Variants in FYCO1 observed in about 807,000 individuals in gnomAD.
The protein encoded by FYCO1 is FYVE and coiled-coil domain autophagy adaptor 1, also known as FYVE and coiled-coil domain-containing protein 1.
Under a neutral mutation model 165.1 loss-of-function variants are expected in FYCO1, and 122 were observed. The observed-to-expected ratio is 0.74, with a 90% CI of 0.64 to 0.86. The LOEUF (loss-of-function observed/expected upper bound fraction) is 0.86, where lower values mean the gene tolerates loss of function less well. FYCO1 is among the 40% of genes least tolerant of loss of function. The pLI is 0.00. For synonymous variants in FYCO1, 648 were observed against 742.5 expected (o/e 0.87, Z 2.07); for missense variants, 1,702 against 1,810.3 (o/e 0.94, Z 1.09).
At position 45,965,123 on chromosome 3, in the gene FYCO1, A is replaced by T; in HGVS notation, c.3060T>A (p.Asn1020Lys). 1 of 1,613,020 alleles carries T rather than the reference A, an allele frequency of 6.2e-7. No individual in the cohort carries two copies. Among genetic ancestry groups the T allele is most frequent in the East Asian group, 2.2e-5 (1 of 44,880 alleles). ...TGAGGCTCTTGCACTCTTCACCAGC[A>T]TTCTAGAGAGGACAAGAAAGAAAGA... is the stretch of plus-strand genomic sequence containing the variant. ...EIMDYQSRLK[N>K]AGEECKSLRG... The change falls in exon 9 of 18, where the codon AAT becomes AAA. Residue 1020 changes from asparagine (N) to lysine (K), a missense_variant and splice_region_variant. By Grantham distance (94) the Asn-to-Lys change is moderately conservative. Coordinates refer to ENST00000296137, the MANE Select transcript of FYCO1 (RefSeq NM_024513.4).
At chr3:45,990,343 T>A (rs1209459546) in intron 1 of FYCO1, among the ~76,000 whole-genome samples, 7 of 152,182 alleles carry the variant, frequency 4.6e-5, no homozygotes, top group Admixed American at 3.3e-4. Context: ...TTTAAGGAAC[T>A]CAGGCTCAGC....
intron 13 of FYCO1, 79 bp from the exon 14 acceptor site, chr3:45,955,472 G>A (rs1705257667): frequency 6.6e-7 from 1 of 1,511,984 alleles, no homozygotes; most frequent in Non-Finnish European, 9.2e-7. Context: ...CCTTGGGAAA[G>A]TGAGAGAGTG....
intron 13 of FYCO1, 58 bp downstream of exon 13, chr3:45,958,350 G>C: frequency 6.8e-7 from 1 of 1,473,044 alleles, no homozygotes; most frequent in Non-Finnish European, 9.4e-7. Context: ...CCACAACATC[G>C]GTAGGGGAGG....
intron 2 of FYCO1, among the ~76,000 whole-genome samples, chr3:45,982,400 C>G (rs979419495): frequency 2.0e-5 from 3 of 152,122 alleles, no homozygotes; most frequent in Non-Finnish European, 1.5e-5. Flanking sequence ...AATCAGAGCA[C>G]TTGGCCAAAG....
chr3:45,944,186 G>A (rs1704432648), intron 14 of FYCO1, among the ~76,000 whole-genome samples: 1 of 146,358 alleles, frequency 6.8e-6, no homozygotes, highest in Non-Finnish European at 1.5e-5. Context: ...TTGTGTGTGT[G>A]CGTGTGTGTC....
At position 45,994,953 on chromosome 3, in the gene FYCO1, A is replaced by C. The variant is rs531816576; in HGVS notation, c.-113+769T>G. 5.3e-5 allele frequency among the ~76,000 whole-genome samples: 8 copies of C among 152,260 alleles called. No homozygotes were observed. In the South Asian group the frequency reaches 1.2e-3, roughly 24 times the overall value. ...CAGTGAAGAGTGACAGGGACATCAG[A>C]GAATACATGTGCTTTAACAGGGGGC... On this transcript the variant is annotated intron_variant, in intron 1 of 17. Coordinates refer to ENST00000296137, the MANE Select transcript of FYCO1 (RefSeq NM_024513.4).
intron 2 of FYCO1, among the ~76,000 whole-genome samples, chr3:45,983,828 C>T (rs916081248): frequency 2.0e-5 from 3 of 152,126 alleles, no homozygotes; most frequent in South Asian, 2.1e-4. Context: ...AGAAAGTGCC[C>T]GGTGCACATG....
At chr3:45,928,714 C>T (rs1232435378) in intron 16 of FYCO1, among the ~76,000 whole-genome samples, 1 of 152,174 alleles carries the variant, frequency 6.6e-6, no homozygotes, top group African/African-American at 2.4e-5. Flanking sequence ...CAGGGGTCTC[C>T]TTTCCTCATC....
At chr3:45,973,932 G>A (rs1484613747) in intron 5 of FYCO1, among the ~76,000 whole-genome samples, 1 of 151,910 alleles carries the variant, frequency 6.6e-6, no homozygotes, top group Non-Finnish European at 1.5e-5. Flanking sequence ...ATGGTGGCAT[G>A]TACCTGTAGT....
At chr3:45,955,924 C>T (rs986125086) in intron 13 of FYCO1, among the ~76,000 whole-genome samples, 3 of 152,160 alleles carry the variant, frequency 2.0e-5, no homozygotes, top group African/African-American at 7.2e-5. Flanking sequence ...GCCTTGTGTC[C>T]GACTGTGCAA....
chr3:45,937,303 G>A (rs1165571233), intron 14 of FYCO1, among the ~76,000 whole-genome samples: 9 of 152,232 alleles, frequency 5.9e-5, no homozygotes, highest in Non-Finnish European at 1.2e-4. Context: ...CCCATGCAGT[G>A]TGGCTTCTTT....
chr3:45,967,523 T>C lies in FYCO1; in HGVS notation c.1811A>G (p.Lys604Arg). ...TTCCTCCTGGCTGCCCTCTTGCACC[T>C]TGGTATCGTCTAACTGTGCCTCCTG... ...GLQEAQLDDT[K>R]VQEGSQEEEL... is the part of the protein sequence containing the mutation. Residue 604 changes from lysine (K) to arginine (R), a missense_variant, in exon 8 of 18, where the codon AAG (lysine) becomes AGG (arginine). By Grantham distance (26) the Lys-to-Arg change is conservative. Coordinates refer to ENST00000296137, the MANE Select transcript of FYCO1 (RefSeq NM_024513.4). The C allele has an allele frequency of 6.2e-7, 1 of 1,613,826 alleles. No homozygotes were observed. Among genetic ancestry groups the C allele is most frequent in the Non-Finnish European group, 8.5e-7 (1 of 1,179,970 alleles).
chr3:45,991,082 T>C (rs539491503), intron 1 of FYCO1, among the ~76,000 whole-genome samples: 1 of 152,354 alleles, frequency 6.6e-6, no homozygotes, highest in East Asian at 1.9e-4. Context: ...CCGGCCATCA[T>C]GAGCACATTT....
At chr3:45,978,249 G>A (rs1165240164) in intron 4 of FYCO1, among the ~76,000 whole-genome samples, 1 of 152,234 alleles carries the variant, frequency 6.6e-6, no homozygotes, top group Non-Finnish European at 1.5e-5. Context: ...TAGTTGCTCT[G>A]ATGCAGCGGC....
At chr3:45,974,909 C>A (rs1706657183) in intron 5 of FYCO1, among the ~76,000 whole-genome samples, 1 of 152,214 alleles carries the variant, frequency 6.6e-6, no homozygotes, top group Admixed American at 6.5e-5. Flanking sequence ...AAGGCTGTAA[C>A]CTGTCTGTCC....
chr3:45,962,263 G>A lies in FYCO1; in HGVS notation c.3399C>T (p.Thr1133=). 1.2e-6 allele frequency: 2 copies of A among 1,614,226 alleles called. No homozygotes were observed. The highest frequency in any genetic ancestry group is 1.7e-6 in the Non-Finnish European group (2 of 1,180,040). The change falls in exon 11 of 18, where the codon ACC becomes ACT. Residue 1133 remains threonine, a synonymous_variant. Transcript: ENST00000296137. The surrounding 1 kb of genome is among the most constrained non-coding windows in gnomAD (Gnocchi z 4.4). ...TCAGCCGCTCCTCGAGATACTTCTT[G>A]GTTCTGTTGAGGTCATCCAGGTCAG... ...MLADLDDLNR[T]KKYLEERLIE... is the part of the protein sequence containing the mutation.
chr3:45,945,905 T>A (rs1704563717), intron 14 of FYCO1: 1 of 152,856 alleles, frequency 6.5e-6, no homozygotes, highest in Admixed American at 6.5e-5. Context: ...GGCAGAGCAG[T>A]CTTGCCATCC....
intron 1 of FYCO1, among the ~76,000 whole-genome samples, chr3:45,986,642 G>C (rs1339052923): frequency 1.3e-5 from 2 of 152,266 alleles, no homozygotes; most frequent in Middle Eastern, 3.4e-3. Context: ...CCAGAGAGAA[G>C]AGCTTCAGGG....
At chr3:45,987,767 AGATCCTGAGTAACT>A (rs1707376826) in intron 1 of FYCO1, among the ~76,000 whole-genome samples, 2 of 152,230 alleles carry the variant, frequency 1.3e-5, no homozygotes, top group African/African-American at 4.8e-5. Flanking sequence ...TAGCAACAAC[AGATCCTGAGTAACT>A]CATCCGGGCT....
Sources: gnomAD v4.1 joint callset for allele counts (sites outside exome capture counted in the v4.1 genomes callset) on GRCh38, gnomAD v4.1.1 for gene constraint, Gnocchi (gnomAD v3.1) non-coding constraint, MANE v1.5 for transcripts, NCBI Gene and HGNC (gene_info 2026-07-23, HGNC 2026-07-21) for gene names.